Variants in SLC39A12 observed in about 807,000 individuals in gnomAD.
SLC39A12 encodes the protein zinc transporter ZIP12.
SLC39A12 carries 63 observed loss-of-function variants against 71.1 expected under a neutral mutation model. The observed-to-expected ratio is 0.89, with a 90% confidence interval of 0.72 to 1.09. The LOEUF (loss-of-function observed/expected upper bound fraction) is 1.09, where lower values mean the gene tolerates loss of function less well. SLC39A12 is among the 50% of genes least tolerant of loss of function. The pLI, the probability that SLC39A12 is intolerant of heterozygous loss-of-function variation, is 0.00. For missense variants in SLC39A12, 892 were observed against 812.6 expected (o/e 1.10, Z -1.19); for synonymous variants, 351 against 301.3 (o/e 1.16, Z -1.71).
chr10:18,000,289 C>G (rs921261345), intron 10 of SLC39A12, among the ~76,000 whole-genome samples: 4 of 152,136 alleles, frequency 2.6e-5, no homozygotes, highest in African/African-American at 9.7e-5. Flanking sequence ...AACATTTAGT[C>G]TATAGCAAGT....
At chr10:17,972,796 G>A (rs377587463) in intron 4 of SLC39A12, among the ~76,000 whole-genome samples, 1 of 151,720 alleles carries the variant, frequency 6.6e-6, no homozygotes, top group South Asian at 2.1e-4. Context: ...TATTCTGCTA[G>A]TCTGTGTCTT....
chr10:17,991,342 CT>C, intron 8 of SLC39A12, 39 bp downstream of exon 8: 1 of 1,480,718 alleles, frequency 6.8e-7, no homozygotes, highest in Non-Finnish European at 9.1e-7. Flanking sequence ...GCTTTAAAGT[CT>C]TATAATACAT....
chr10:18,025,081 G>A (rs1182724922), intron 12 of SLC39A12, among the ~76,000 whole-genome samples: 1 of 152,064 alleles, frequency 6.6e-6, no homozygotes, highest in Non-Finnish European at 1.5e-5. Context: ...AACTGTTATA[G>A]TGATTGCTTA....
intron 12 of SLC39A12, among the ~76,000 whole-genome samples, chr10:18,014,041 A>G (rs894579794): frequency 2.0e-5 from 3 of 152,188 alleles, no homozygotes; most frequent in African/African-American, 7.2e-5. Flanking sequence ...TTTAGTCTGT[A>G]CTTTAAGTAG....
intron 4 of SLC39A12, among the ~76,000 whole-genome samples, chr10:17,976,177 G>A (rs1011973575): frequency 3.3e-5 from 5 of 152,140 alleles, no homozygotes; most frequent in Non-Finnish European, 5.9e-5. Context: ...TGCTTTTCTT[G>A]TGTAGATAGT....
At chr10:17,968,436 T>C (rs1468617471) in intron 4 of SLC39A12, among the ~76,000 whole-genome samples, 1 of 152,206 alleles carries the variant, frequency 6.6e-6, no homozygotes, top group Non-Finnish European at 1.5e-5. Flanking sequence ...GTCATTTCTT[T>C]AAGTGAGCTT....
At position 17,953,198 on chromosome 10, in the gene SLC39A12, T is replaced by G; in HGVS notation, c.-79T>G. The G allele has an allele frequency of 6.6e-7, 1 of 1,510,784 alleles. No homozygotes were observed. Among genetic ancestry groups the G allele is most frequent in the Non-Finnish European group, 8.9e-7 (1 of 1,123,586 alleles). The allele number at this position is 1,510,784 out of a possible 1,614,324, so 93.6% of individuals were successfully genotyped here. A position where few individuals can be genotyped will look rare whatever the true frequency, so the allele number is the denominator to read the frequency against. On this transcript the variant is annotated 5_prime_UTR_variant, in exon 2 of 13. Transcript: ENST00000377369. The stretch of plus-strand genomic sequence containing the variant: ...TTTTCCCCTTTACCACAGAAATTCC[T>G]TTGGTTACAAGTTTACCCCATAAAC...
intron 12 of SLC39A12, among the ~76,000 whole-genome samples, chr10:18,038,018 CAAAAAAAAAAAAAAAAA>C (rs763211521): frequency 8.0e-4 from 12 of 14,970 alleles, no homozygotes; most frequent in African/African-American, 2.5e-3. Context: ...GCCTCCATCT[CAAAAAAAAAAAAAAAAA>C]AAAAAAAAAA....
At chr10:17,958,435 A>G (rs1554847980) in intron 2 of SLC39A12, among the ~76,000 whole-genome samples, 2 of 152,146 alleles carry the variant, frequency 1.3e-5, no homozygotes, top group Non-Finnish European at 2.9e-5. Flanking sequence ...TTGATGTTAG[A>G]CTTGGACCAA....
chr10:17,981,878 C>T (rs1254706091), intron 6 of SLC39A12, among the ~76,000 whole-genome samples: 2 of 152,050 alleles, frequency 1.3e-5, no homozygotes, highest in African/African-American at 4.8e-5. Flanking sequence ...CATAAAAGGC[C>T]ATAGCTGAGA....
Position 18,042,944 on chromosome 10 carries a change from G to A in SLC39A12, c.*111G>A, listed in dbSNP as rs41299214. On this transcript the variant is annotated 3_prime_UTR_variant, in exon 13 of 13. Coordinates refer to ENST00000377369, the MANE Select transcript of SLC39A12 (RefSeq NM_001145195.2). ...AAGAATTTTTTATCTTAGGCAAAGT[G>A]TGTCTCTTTCAATTCATTAACTTAT... is the stretch of plus-strand genomic sequence containing the variant. 1.0e-3 allele frequency: 867 copies of A among 856,388 alleles called. 1 individual carries two copies. The highest frequency in any genetic ancestry group is 1.3e-3 in the Non-Finnish European group (828 of 615,840). 53.0% of individuals were successfully genotyped at this position (856,388 alleles called of 1,614,324 possible). A position where few individuals can be genotyped will look rare whatever the true frequency, so the allele number is the denominator to read the frequency against.
At chr10:17,983,194 A>AG (rs1835311419) in intron 6 of SLC39A12, among the ~76,000 whole-genome samples, 1 of 125,456 alleles carries the variant, frequency 8.0e-6, no homozygotes. Context: ...AAAAAAAAAA[A>AG]AAAGACTCTA....
intron 8 of SLC39A12, 118 bp from the exon 9 acceptor site, chr10:17,993,063 C>T (rs1835594884): frequency 1.7e-6 from 1 of 602,610 alleles, no homozygotes; most frequent in Non-Finnish European, 2.9e-6. Flanking sequence ...CATCCCAGTT[C>T]TCTTTTGTGG....
intron 12 of SLC39A12, among the ~76,000 whole-genome samples, chr10:18,039,249 A>G (rs1397230107): frequency 6.6e-6 from 1 of 152,182 alleles, no homozygotes; most frequent in South Asian, 2.1e-4. Context: ...GGAACTACAC[A>G]AGATCTTATT....
chr10:18,023,279 G>A lies in SLC39A12; in HGVS notation c.1948-19426G>A, dbSNP rs546976281. Among the ~76,000 whole-genome samples the A allele has an allele frequency of 5.9e-5, 9 of 152,320 alleles. No homozygotes were observed. In the South Asian group the frequency reaches 1.7e-3, roughly 28 times the overall value. On this transcript the variant is annotated intron_variant, in intron 12 of 12. Coordinates refer to ENST00000377369, the MANE Select transcript of SLC39A12 (RefSeq NM_001145195.2). ...AGAATGATCAGTCCAGGGTGGAGTG[G>A]CTGCATTGCAAGCCCAAGCTGCCTG... is the stretch of plus-strand genomic sequence containing the variant.
chr10:17,952,820 T>C (rs1324053120), intron 1 of SLC39A12, among the ~76,000 whole-genome samples: 3 of 152,286 alleles, frequency 2.0e-5, no homozygotes, highest in Admixed American at 6.5e-5. Flanking sequence ...TGTTGGTCAT[T>C]TAGTAGAATT....
At chr10:17,954,414 C>T (rs1283289794) in intron 2 of SLC39A12, among the ~76,000 whole-genome samples, 4 of 152,162 alleles carry the variant, frequency 2.6e-5, no homozygotes, top group South Asian at 2.1e-4. Flanking sequence ...CCACCACGGC[C>T]GGCTAATTTT....
intron 10 of SLC39A12, among the ~76,000 whole-genome samples, chr10:17,998,061 C>T (rs753615444): frequency 5.3e-4 from 81 of 152,172 alleles, no homozygotes; most frequent in African/African-American, 1.7e-3. Context: ...TACAGTGGGA[C>T]GATCTTGGTT....
intron 12 of SLC39A12, among the ~76,000 whole-genome samples, chr10:18,024,775 T>C (rs1486823238): frequency 6.6e-6 from 1 of 152,240 alleles, no homozygotes; most frequent in Non-Finnish European, 1.5e-5. Flanking sequence ...GTCTCACATA[T>C]TTTAATGCTG....
Sources: allele counts gnomAD v4.1 joint callset (sites outside exome capture counted in the v4.1 genomes callset), GRCh38; gene constraint gnomAD v4.1.1; transcripts MANE v1.5; gene names NCBI Gene and HGNC (gene_info 2026-07-23, HGNC 2026-07-21).